The following MYO6 variants were observed in gnomAD, a reference collection of about 807,000 sequenced individuals.
The protein encoded by MYO6 is unconventional myosin-VI.
A neutral mutation model predicts 178.7 loss-of-function variants in MYO6; 74 were observed. The ratio of observed to expected loss-of-function variants is 0.41; its 90% CI spans 0.34 to 0.50. The LOEUF (loss-of-function observed/expected upper bound fraction) is 0.50. Among genes scored for constraint, MYO6 ranks in the 20% least tolerant of loss-of-function variants. The probability of loss-of-function intolerance (pLI) is 0.09; values close to 1 mark genes in which losing one functional copy is unlikely to be tolerated. For synonymous variants in MYO6, 477 were observed against 504.6 expected (o/e 0.95, Z 0.73); for missense variants, 1,330 against 1,547.4 (o/e 0.86, Z 2.36).
Position 75,892,587 on chromosome 6 carries a change from G to A in MYO6, c.3004G>A (p.Val1002Ile), listed in dbSNP as rs1270719716. ...GGAGGAGGAATCCCAACAGCAAGCA[G>A]TTCTGGAGCAGGAGCGCAGGGACCG... is the stretch of plus-strand genomic sequence containing the variant. ...QKEEESQQQAVLEQERRDREL... is the reference protein window; with the variant it reads ...QKEEESQQQAILEQERRDREL... Residue 1002 changes from valine (V) to isoleucine (I), a missense_variant, in exon 28 of 35, where the codon GTT becomes ATT. By Grantham distance (29) the Val-to-Ile change is conservative. Transcript: ENST00000369977. 1.9e-6 allele frequency: 3 copies of A among 1,613,854 alleles called. No homozygotes were observed. The African/African-American group carries it at 4.0e-5, about 22-fold the overall frequency.
intron 16 of MYO6, 63 bp from the exon 17 acceptor site, chr6:75,866,463 T>C: frequency 5.3e-6 from 7 of 1,327,128 alleles, no homozygotes; most frequent in Non-Finnish European, 7.6e-6. Flanking sequence ...AGTTGTTTTG[T>C]AAAGAATGAT....
intron 20 of MYO6, among the ~76,000 whole-genome samples, chr6:75,874,052 T>C (rs1385984465): frequency 6.6e-6 from 1 of 152,220 alleles, no homozygotes; most frequent in Admixed American, 6.5e-5. Context: ...TTAAACTTTC[T>C]TCTCTGACTC....
chr6:75,755,961 C>T (rs935493559), intron 1 of MYO6, among the ~76,000 whole-genome samples: 1 of 152,228 alleles, frequency 6.6e-6, no homozygotes, highest in African/African-American at 2.4e-5. Context: ...GCATGACTTA[C>T]TTGCTCTGGA....
intron 11 of MYO6, among the ~76,000 whole-genome samples, chr6:75,853,404 G>T (rs1189129788): frequency 6.6e-6 from 1 of 152,074 alleles, no homozygotes; most frequent in African/African-American, 2.4e-5. Context: ...AAGACATGAA[G>T]ATTTACTTTG....
intron 25 of MYO6, 27 bp from the exon 26 acceptor site, chr6:75,890,030 C>A: frequency 6.7e-7 from 1 of 1,484,522 alleles, no homozygotes; most frequent in South Asian, 1.1e-5. Context: ...TAAGCTTTTA[C>A]GTACCTATTT....
intron 25 of MYO6, among the ~76,000 whole-genome samples, chr6:75,888,371 T>C (rs550305126): frequency 1.3e-5 from 2 of 152,194 alleles, no homozygotes; most frequent in East Asian, 3.9e-4. Context: ...TCCCAGCACT[T>C]TGGGAGGCCC....
chr6:75,812,330 A>G (rs1320948571), intron 1 of MYO6, among the ~76,000 whole-genome samples: 1 of 152,150 alleles, frequency 6.6e-6, no homozygotes, highest in Non-Finnish European at 1.5e-5. Flanking sequence ...GTGTGTTGAT[A>G]CATAGTAGGT....
rs753343273 is a variant in MYO6 at position 75,890,085 on chromosome 6, A to G, written c.2687A>G (p.Gln896Arg). ...KSTMMTQEQI[Q>R]KEYDALVKSS... ...ACTATGATGACGCAGGAACAAATCC[A>G]GAAAGAATATGATGCACTGGTTAAA... The change falls in exon 26 of 35, where the codon CAG (glutamine) becomes CGG (arginine). Residue 896 changes from glutamine to arginine, a missense_variant. Around this residue, in one of 3 missense-constraint regions of MYO6, gnomAD observed 601 missense variants for 626.1 expected, o/e 0.96. Transcript: ENST00000369977. The G allele has an allele frequency of 3.7e-6, 6 of 1,613,908 alleles. No individual in the cohort carries two copies. The highest frequency in any genetic ancestry group is 3.3e-5 in the South Asian group (3 of 91,048).
intron 10 of MYO6, among the ~76,000 whole-genome samples, chr6:75,845,399 G>T (rs1328106970): frequency 2.0e-5 from 3 of 152,116 alleles, no homozygotes; most frequent in African/African-American, 7.2e-5. Flanking sequence ...TTCTTGGGAA[G>T]AAATGCTTAT....
Position 75,817,490 on chromosome 6 carries a change from C to T in MYO6, c.-47-11C>T. 1 of 1,321,110 alleles carries T rather than the reference C, an allele frequency of 7.6e-7. No individual in the cohort carries two copies. Among genetic ancestry groups the T allele is most frequent in the Non-Finnish European group, 1.1e-6 (1 of 912,804 alleles). The allele number at this position is 1,321,110 out of a possible 1,614,324, so 81.8% of individuals were successfully genotyped here. A position where few individuals can be genotyped will look rare whatever the true frequency, so the allele number is the denominator to read the frequency against. ...CTGATTCATGTTGCTGTATTTGTTC[C>T]TTTGAAACAGGTGACAGTGGATAGT... On this transcript the variant is annotated splice_polypyrimidine_tract_variant and intron_variant, in intron 1 of 34. Coordinates refer to ENST00000369977, the MANE Select transcript of MYO6 (RefSeq NM_004999.4).
chr6:75,812,992 T>G (rs1295372866), intron 1 of MYO6, among the ~76,000 whole-genome samples: 1 of 152,194 alleles, frequency 6.6e-6, no homozygotes, highest in African/African-American at 2.4e-5. Flanking sequence ...ATGGTCATTA[T>G]ATTTTTAGTT....
rs148918012 is a variant in MYO6 at position 75,914,676 on chromosome 6, A to G, written c.3659-137A>G. 7.6e-4 allele frequency: 633 copies of G among 834,848 alleles called. 1 individual carries two copies. Among genetic ancestry groups the G allele is most frequent in the Non-Finnish European group, 9.5e-4 (499 of 525,362 alleles). The allele number at this position is 834,848 out of a possible 1,614,324, so 51.7% of individuals were successfully genotyped here. ...TTAATTGTTTCTGGTGATTTTATTA[A>G]GCAGATTTCCATCTTAGAGAAAAAG... On this transcript the variant is annotated intron_variant, in intron 34 of 34. Coordinates refer to ENST00000369977, the MANE Select transcript of MYO6 (RefSeq NM_004999.4).
intron 7 of MYO6, among the ~76,000 whole-genome samples, chr6:75,837,520 A>G (rs924865365): frequency 2.0e-5 from 3 of 152,138 alleles, no homozygotes; most frequent in African/African-American, 7.2e-5. Context: ...AGTGCAATAC[A>G]CATGCTCTTG....
At chr6:75,910,755 G>A (rs939442928) in intron 32 of MYO6, among the ~76,000 whole-genome samples, 2 of 151,966 alleles carry the variant, frequency 1.3e-5, no homozygotes, top group Admixed American at 6.6e-5. Context: ...TGACACAGGA[G>A]CATAGCTAAA....
intron 29 of MYO6, 68 bp from the exon 30 acceptor site, chr6:75,898,305 A>T (rs544299710): frequency 9.9e-7 from 1 of 1,011,646 alleles, no homozygotes; most frequent in African/African-American, 1.6e-5. Flanking sequence ...TTATACTTTT[A>T]GATCTTTTAA....
At chr6:75,786,775 T>C (rs569292171) in intron 1 of MYO6, among the ~76,000 whole-genome samples, 1 of 152,306 alleles carries the variant, frequency 6.6e-6, no homozygotes, top group Admixed American at 6.5e-5. Context: ...TACACACGTC[T>C]TGCACAACTT....
chr6:75,882,084 G>A (rs747532553), intron 23 of MYO6, among the ~76,000 whole-genome samples: 2 of 151,970 alleles, frequency 1.3e-5, no homozygotes, highest in East Asian at 1.9e-4. Flanking sequence ...TCTCGTCCCC[G>A]CACCCCTCAC....
At chr6:75,841,966 A>G (rs2150254793) in intron 9 of MYO6, among the ~76,000 whole-genome samples, 1 of 152,340 alleles carries the variant, frequency 6.6e-6, no homozygotes, top group East Asian at 1.9e-4. Context: ...GAAATTGATA[A>G]TAGCTCTGTA....
intron 30 of MYO6, among the ~76,000 whole-genome samples, chr6:75,904,017 A>G (rs373649852): frequency 2.4e-3 from 369 of 152,120 alleles, no homozygotes; most frequent in Non-Finnish European, 4.4e-3. Flanking sequence ...GAAATTCTGG[A>G]TTGAAAATTC....
Sources: allele counts gnomAD v4.1 joint callset (sites outside exome capture counted in the v4.1 genomes callset), GRCh38; gene constraint gnomAD v4.1.1; regional missense constraint gnomAD v4.1.1; transcripts MANE v1.5; gene names NCBI Gene and HGNC (gene_info 2026-07-23, HGNC 2026-07-21).